FAAH2: variants seen among roughly 807,000 people sequenced by gnomAD.
The protein encoded by FAAH2 is fatty-acid amide hydrolase 2.
Under a neutral mutation model 36.9 loss-of-function variants are expected in FAAH2, and 60 were observed. The ratio of observed to expected loss-of-function variants is 1.63; its 90% CI spans 1.32 to 2.02. The LOEUF is 2.02. Among genes scored for constraint, FAAH2 ranks in the 30% most tolerant of loss-of-function variants. The pLI, the probability that FAAH2 is intolerant of heterozygous loss-of-function variation, is 0.00. For missense variants in FAAH2, 689 were observed against 397.5 expected (o/e 1.73, Z -6.23); for synonymous variants, 214 against 143.8 (o/e 1.49, Z -3.49).
chrX:57,419,643 G>A (rs953274672), intron 7 of FAAH2, among the ~76,000 whole-genome samples: 9 of 111,398 alleles, frequency 8.1e-5, no homozygotes, highest in South Asian at 7.5e-4. Context: ...AGTAGGTTGC[G>A]AAAATTTTCT....
chrX:57,125,275 G>A, the FAAH2 span, among the ~76,000 whole-genome samples: 1 of 112,727 alleles, frequency 8.9e-6, no homozygotes, highest in African/African-American at 3.2e-5. Flanking sequence ...TGTGGTTTTT[G>A]TCTTCGGTTC....
chrX:57,268,542 C>G, the FAAH2 span, among the ~76,000 whole-genome samples: 2 of 111,147 alleles, frequency 1.8e-5, no homozygotes, highest in African/African-American at 6.5e-5. Context: ...CCCCAAGACA[C>G]ATACTCATCA....
chrX:57,205,355 C>T, the FAAH2 span, among the ~76,000 whole-genome samples: 3 of 112,426 alleles, frequency 2.7e-5, no homozygotes, highest in Non-Finnish European at 5.6e-5. Flanking sequence ...ATTCAATTCC[C>T]TTCAGTTAAA....
At chrX:57,258,560 A>G in the FAAH2 span, among the ~76,000 whole-genome samples, 1 of 111,296 alleles carries the variant, frequency 9.0e-6, no homozygotes, top group Non-Finnish European at 1.9e-5. Flanking sequence ...TAAAGGGTTA[A>G]TATTCAAAAA....
chrX:57,155,479 G>A, the FAAH2 span, among the ~76,000 whole-genome samples: 13 of 111,790 alleles, frequency 1.2e-4, no homozygotes, highest in African/African-American at 2.9e-4. Context: ...CAGCTCCCAC[G>A]CAACCAAAAA....
chrX:57,373,820 G>A (rs753503608), intron 5 of FAAH2, among the ~76,000 whole-genome samples: 3 of 111,165 alleles, frequency 2.7e-5, no homozygotes, highest in East Asian at 5.6e-4. Context: ...AGGGTCTTTC[G>A]ATATTATTTT....
chrX:57,157,953 C>T, the FAAH2 span, among the ~76,000 whole-genome samples: 1 of 110,608 alleles, frequency 9.0e-6, no homozygotes, highest in East Asian at 2.8e-4. Context: ...CACCCATTAA[C>T]TCATCATTTA....
intron 10 of FAAH2, among the ~76,000 whole-genome samples, chrX:57,472,096 G>A (rs1428927602): frequency 8.9e-6 from 1 of 112,005 alleles, no homozygotes; most frequent in Non-Finnish European, 1.9e-5. Context: ...ATTAATTCAA[G>A]TTGGATTAGA....
chrX:57,477,637 C>G (rs1029823291), intron 10 of FAAH2, among the ~76,000 whole-genome samples: 1 of 101,526 alleles, frequency 9.8e-6, no homozygotes, highest in Non-Finnish European at 2.0e-5. Context: ...TATCCCTCCC[C>G]GCTCCCCCAA....
At chrX:57,350,072 T>C (rs1284745387) in intron 5 of FAAH2, among the ~76,000 whole-genome samples, 1 of 110,872 alleles carries the variant, frequency 9.0e-6, no homozygotes, top group African/African-American at 3.3e-5. Flanking sequence ...CAGCAGAAAC[T>C]TCAAAGGCCA....
At chrX:57,321,533 AT>A (rs1347538723) in intron 3 of FAAH2, among the ~76,000 whole-genome samples, 4 of 109,830 alleles carry the variant, frequency 3.6e-5, no homozygotes, top group Admixed American at 1.9e-4. Flanking sequence ...TTTTTCAATT[AT>A]TTTTTAATTA....
intron 8 of FAAH2, among the ~76,000 whole-genome samples, chrX:57,441,230 G>C (rs1032226971): frequency 1.8e-5 from 2 of 111,199 alleles, no homozygotes; most frequent in African/African-American, 3.3e-5. Context: ...GAATCTGTCT[G>C]GTTCTGGATT....
the FAAH2 span, among the ~76,000 whole-genome samples, chrX:57,127,912 A>T: frequency 9.0e-6 from 1 of 111,650 alleles, no homozygotes; most frequent in Non-Finnish European, 1.9e-5. Context: ...GTGGGATCAT[A>T]CTCTTTACAT....
chrX:57,160,234 G>A, the FAAH2 span, among the ~76,000 whole-genome samples: 2 of 111,742 alleles, frequency 1.8e-5, no homozygotes, highest in East Asian at 5.6e-4. Context: ...GTTGGCTTCG[G>A]TTTGCCAGTA....
chrX:57,351,759 T>A (rs1483177235), intron 5 of FAAH2, among the ~76,000 whole-genome samples: 2 of 107,461 alleles, frequency 1.9e-5, no homozygotes, highest in Admixed American at 2.0e-4. Context: ...TAAAATCTAT[T>A]GAGATTGATT....
the FAAH2 span, among the ~76,000 whole-genome samples, chrX:57,154,071 G>T: frequency 1.8e-5 from 2 of 111,323 alleles, no homozygotes; most frequent in African/African-American, 3.3e-5. Context: ...TTTCTTCTTT[G>T]TCCTTGTTGG....
chrX:57,292,879 T>C (rs892090610), intron 2 of FAAH2, among the ~76,000 whole-genome samples: 1 of 111,744 alleles, frequency 8.9e-6, no homozygotes, highest in African/African-American at 3.2e-5. Flanking sequence ...TCATTGAACA[T>C]TTACTGAATA....
the FAAH2 span, among the ~76,000 whole-genome samples, chrX:57,216,624 G>GTATATATATATACGTA: frequency 1.7e-5 from 1 of 57,793 alleles, no homozygotes; most frequent in African/African-American, 5.3e-5. Context: ...ATATATATAC[G>GTATATATATATACGTA]TATATATATA....
the FAAH2 span, among the ~76,000 whole-genome samples, chrX:57,271,466 C>G: frequency 8.9e-6 from 1 of 112,296 alleles, no homozygotes; most frequent in Non-Finnish European, 1.9e-5. Flanking sequence ...TGTGTACTGA[C>G]TAGGAGACAC....
Sources: gnomAD v4.1 joint callset for allele counts (sites outside exome capture counted in the v4.1 genomes callset) on GRCh38, gnomAD v4.1.1 for gene constraint, MANE v1.5 for transcripts, NCBI Gene and HGNC (gene_info 2026-07-23, HGNC 2026-07-21) for gene names.